The following SLC25A26 variants were observed in gnomAD, a reference collection of about 807,000 sequenced individuals.
SLC25A26 encodes the protein solute carrier family 25 member 26.
Under a neutral mutation model 37.8 loss-of-function variants are expected in SLC25A26, and 36 were observed. The ratio of observed to expected loss-of-function variants is 0.95; its 90% CI spans 0.73 to 1.26. SLC25A26 has a LOEUF of 1.26. Among genes scored for constraint, SLC25A26 ranks in the 50% most tolerant of loss-of-function variants. SLC25A26 has a pLI of 0.00. For synonymous variants in SLC25A26, 129 were observed against 122.5 expected, an observed-to-expected ratio of 1.05 and a Z score of -0.35; for missense variants, 390 against 331.1, an observed-to-expected ratio of 1.18 and a Z score of -1.38.
intron 5 of SLC25A26, among the ~76,000 whole-genome samples, chr3:66,276,528 C>T (rs2074153049): frequency 6.6e-6 from 1 of 152,030 alleles, no homozygotes; most frequent in South Asian, 2.1e-4. Context: ...GGGCAGAACA[C>T]AATGAGATGC....
In SLC25A26 at chr3:66,236,833, CATT is replaced by C. The variant is rs569745656; in HGVS notation, c.190+140_190+142del. The C allele has an allele frequency of 1.5e-4, 96 of 646,328 alleles. 1 individual carries two copies. The South Asian group carries it at 3.4e-3, about 23-fold the overall frequency. The allele number at this position is 646,328 out of a possible 1,614,324, so 40.0% of individuals were successfully genotyped here. A position where few individuals can be genotyped will look rare whatever the true frequency, so the allele number is the denominator to read the frequency against. On this transcript the variant is annotated intron_variant, in intron 2 of 9. Transcript: ENST00000354883. ...TGAATTTCCTTCTTTAACCTGGTGT[CATT>C]ATTATTTTTTATTTATTTTAGTCAC...
chr3:66,146,882 G>A (rs929698475), intron 1 of SLC25A26, among the ~76,000 whole-genome samples: 17 of 151,812 alleles, frequency 1.1e-4, no homozygotes, highest in Admixed American at 8.5e-4. Flanking sequence ...ATGCTTTTGC[G>A]GCCTAGTAGC....
Position 66,300,251 on chromosome 3 carries a change from G to GTTTTTTTTTTTTT in SLC25A26, c.453+36876_453+36877insTTTTTTTTTTTTT, listed in dbSNP as rs1309490705. On this transcript the variant is annotated intron_variant, in intron 5 of 9. Coordinates refer to ENST00000354883, the MANE Select transcript of SLC25A26 (RefSeq NM_001379210.1). ...TGGACTTCTAGGCTAGGGTTTTTTT[G>GTTTTTTTTTTTTT]TTTTGTTTTTTTTTTTTTTTTTGGT... Among the ~76,000 whole-genome samples, 511 of 111,112 alleles carry GTTTTTTTTTTTTT rather than the reference G, an allele frequency of 4.6e-3. 16 individuals carry two copies. The highest frequency in any genetic ancestry group is 7.3e-3 in the Non-Finnish European group (377 of 51,582). The allele number at this position is 111,112 out of a possible 152,430, so 72.9% of individuals were successfully genotyped here. A position where few individuals can be genotyped will look rare whatever the true frequency, so the allele number is the denominator to read the frequency against.
intron 5 of SLC25A26, among the ~76,000 whole-genome samples, chr3:66,321,851 G>C (rs1369849597): frequency 6.6e-6 from 1 of 151,586 alleles, no homozygotes; most frequent in Non-Finnish European, 1.5e-5. Context: ...TGCTATGACA[G>C]AATACCACAG....
chr3:66,376,822 A>G (rs1700678889), intron 9 of SLC25A26, among the ~76,000 whole-genome samples: 1 of 152,206 alleles, frequency 6.6e-6, no homozygotes, highest in Non-Finnish European at 1.5e-5. Flanking sequence ...GGCAGCAGGC[A>G]TTCAGTTTAG....
intron 5 of SLC25A26, among the ~76,000 whole-genome samples, chr3:66,330,416 A>G (rs918512555): frequency 5.3e-5 from 8 of 152,170 alleles, no homozygotes. Context: ...TAAATGTTGT[A>G]TATGTTATAT....
rs553154468 is a variant in SLC25A26, at chr3:66,287,778, C to G, written c.453+24399C>G. Reference sequence around the variant, plus strand: ...AGTGAGTTGCTAAGATTACTGTTTACTTTGTGCTGAAATAAACCTAGAACC... The same window carrying G: ...AGTGAGTTGCTAAGATTACTGTTTAGTTTGTGCTGAAATAAACCTAGAACC... On this transcript the variant is annotated intron_variant, in intron 5 of 9. Coordinates refer to ENST00000354883, the MANE Select transcript of SLC25A26 (RefSeq NM_001379210.1). Among the ~76,000 whole-genome samples the G allele has an allele frequency of 5.9e-5, 9 of 152,296 alleles. No individual in the cohort carries two copies. In the South Asian group the frequency reaches 1.9e-3, roughly 32 times the overall value.
At chr3:66,275,442 C>A (rs570077925) in intron 5 of SLC25A26, among the ~76,000 whole-genome samples, 1 of 151,972 alleles carries the variant, frequency 6.6e-6, no homozygotes, top group Non-Finnish European at 1.5e-5. Context: ...CTTCCCTTCA[C>A]TAGAATGTAT....
At chr3:66,206,302 G>A (rs1009083397) in intron 1 of SLC25A26, among the ~76,000 whole-genome samples, 6 of 152,142 alleles carry the variant, frequency 3.9e-5, no homozygotes, top group Non-Finnish European at 7.3e-5. Context: ...TCTCTACCTC[G>A]AGGCAGGGTC....
intron 1 of SLC25A26, among the ~76,000 whole-genome samples, chr3:66,180,645 T>C (rs913351343): frequency 1.3e-5 from 2 of 151,946 alleles, no homozygotes; most frequent in Admixed American, 1.3e-4. Context: ...AAGTCAGAGC[T>C]GAAAAATTTT....
intron 5 of SLC25A26, among the ~76,000 whole-genome samples, chr3:66,342,455 T>C (rs1229805822): frequency 6.6e-6 from 1 of 152,208 alleles, no homozygotes; most frequent in African/African-American, 2.4e-5. Flanking sequence ...GAAAATAGAA[T>C]GTTAGGGCTA....
intron 7 of SLC25A26, among the ~76,000 whole-genome samples, chr3:66,365,436 C>G (rs957684449): frequency 6.6e-6 from 1 of 152,116 alleles, no homozygotes; most frequent in African/African-American, 2.4e-5. Context: ...CGGGGTGAAA[C>G]TAGGGGGATA....
intron 5 of SLC25A26, among the ~76,000 whole-genome samples, chr3:66,322,533 T>C (rs770962266): frequency 6.6e-6 from 1 of 152,266 alleles, no homozygotes; most frequent in African/African-American, 2.4e-5. Context: ...TGAGGTTGCA[T>C]TGGCATTGAG....
chr3:66,181,777 T>C (rs1258256288), intron 1 of SLC25A26, among the ~76,000 whole-genome samples: 1 of 140,938 alleles, frequency 7.1e-6, no homozygotes, highest in Non-Finnish European at 1.5e-5. Flanking sequence ...CCCCTCCCCT[T>C]GTCTTTTTTT....
chr3:66,263,337 C>A lies in SLC25A26; in HGVS notation c.411C>A (p.Ile137=). The part of the protein sequence containing the change: ...IFSNILYEEG[I]QGLYRGYKST... ...CGGCTGTGTGTTTGTTTCAGGGTATCCAAGGGTTGTATCGAGGCTATAAAA... is the reference window on the plus strand; with the variant it reads ...CGGCTGTGTGTTTGTTTCAGGGTATACAAGGGTTGTATCGAGGCTATAAAA... The change falls in exon 5 of 10, where the codon ATC becomes ATA. Residue 137 remains isoleucine (I), a synonymous_variant. Coordinates refer to ENST00000354883, the MANE Select transcript of SLC25A26 (RefSeq NM_001379210.1). 3 of 1,611,914 alleles carry A rather than the reference C, an allele frequency of 1.9e-6. No homozygotes were observed. The highest frequency in any genetic ancestry group is 2.5e-6 in the Non-Finnish European group (3 of 1,178,632).
At chr3:66,228,702 C>G (rs2071872173) in intron 1 of SLC25A26, among the ~76,000 whole-genome samples, 2 of 152,156 alleles carry the variant, frequency 1.3e-5, no homozygotes. Flanking sequence ...TAACTGTTTA[C>G]TGAGCACTTT....
At chr3:66,220,071 C>T (rs2071427561), upstream of SLC25A26, among the ~76,000 whole-genome samples, 1 of 152,150 alleles carries the variant, frequency 6.6e-6, no homozygotes, top group Admixed American at 6.5e-5. Flanking sequence ...AAAGGCCAGG[C>T]AAGGAGCCTG....
At chr3:66,374,759 T>C (rs1044618092) in intron 9 of SLC25A26, among the ~76,000 whole-genome samples, 1 of 152,038 alleles carries the variant, frequency 6.6e-6, no homozygotes, top group Non-Finnish European at 1.5e-5. Context: ...TGTGTGCCTG[T>C]AGTCCCAGCT....
Position 66,199,203 on chromosome 3 carries a change from A to ACCCTGACACTAC in SLC25A26, c.-353-21534_-353-21523dup, listed in dbSNP as rs1340137278. Among the ~76,000 whole-genome samples, 1,117 of 151,752 alleles carry ACCCTGACACTAC rather than the reference A, an allele frequency of 7.4e-3. 18 individuals carry two copies. Among genetic ancestry groups the ACCCTGACACTAC allele is most frequent in the African/African-American group, 0.026 (1,067 of 41,338 alleles). On this transcript the variant is annotated intron_variant, in intron 1 of 10. Transcript: ENST00000676754. ...GACTTTGATCCTGATGCTGACTCTG[A>ACCCTGACACTAC]CCCTGACACTACCCCTACCCTGAAC...
Sources: allele counts gnomAD v4.1 joint callset (sites outside exome capture counted in the v4.1 genomes callset), GRCh38; gene constraint gnomAD v4.1.1; transcripts MANE v1.5; gene names NCBI Gene and HGNC (gene_info 2026-07-23, HGNC 2026-07-21).